Variants in WDPCP observed in about 807,000 individuals in gnomAD.
WDPCP encodes WD repeat containing planar cell polarity effector.
Under a neutral mutation model 93.1 loss-of-function variants are expected in WDPCP, and 71 were observed. The ratio of observed to expected loss-of-function variants is 0.76; its 90% CI spans 0.63 to 0.93. WDPCP has a LOEUF of 0.93. WDPCP is among the 40% of genes least tolerant of loss of function. The probability of loss-of-function intolerance (pLI) is 0.00; values close to 1 mark genes in which losing one functional copy is unlikely to be tolerated. For missense variants in WDPCP, 844 were observed against 887.4 expected (o/e 0.95, Z 0.62); for synonymous variants, 315 against 315.0 (o/e 1.00, Z 0.00).
Position 63,619,788 on chromosome 2 carries a change from G to A in WDPCP, n.488+30871C>T, listed in dbSNP as rs77880985. ...AGCTCCCAGGCAGATCAATGCAGAAGGTGGGTGATTTTTGCATTCCCAACT... is the reference window on the plus strand; with the variant it reads ...AGCTCCCAGGCAGATCAATGCAGAAAGTGGGTGATTTTTGCATTCCCAACT... On this transcript the variant is annotated intron_variant and non_coding_transcript_variant, in intron 3 of 4. Coordinates refer to the WDPCP transcript ENST00000467687. 4.7e-4 allele frequency among the ~76,000 whole-genome samples: 71 copies of A among 152,342 alleles called. 1 individual carries two copies. The East Asian group carries it at 0.013, about 28-fold the overall frequency.
At chr2:63,727,266 AT>A (rs1558896018) in intron 2 of WDPCP, among the ~76,000 whole-genome samples, 1 of 152,156 alleles carries the variant, frequency 6.6e-6, no homozygotes, top group Non-Finnish European at 1.5e-5. Context: ...GGAATGTTGA[AT>A]TTTATTGAAA....
At chr2:63,207,995 A>G (rs964820021) in intron 14 of WDPCP, among the ~76,000 whole-genome samples, 3 of 151,638 alleles carry the variant, frequency 2.0e-5, no homozygotes, top group Non-Finnish European at 4.4e-5. Flanking sequence ...TAGTCTTGTG[A>G]TCCTTCTAAG....
At chr2:63,294,349 G>A (rs776405100) in intron 13 of WDPCP, among the ~76,000 whole-genome samples, 14 of 151,518 alleles carry the variant, frequency 9.2e-5, no homozygotes, top group African/African-American at 2.4e-4. Context: ...CTAAAAATAC[G>A]CATACAAAAA....
chr2:63,588,824 G>C, upstream of WDPCP: 1 of 600,238 alleles, frequency 1.7e-6, no homozygotes, highest in Non-Finnish European at 2.9e-6. Context: ...AAAAACCTCT[G>C]GTATCGGGAA....
exon 1 of WDPCP, chr2:63,827,738 C>T (rs1053087666): frequency 6.6e-6 from 1 of 152,190 alleles, no homozygotes; most frequent in African/African-American, 2.4e-5. Context: ...TTTCAGGCTT[C>T]ATGGAATTCC....
intron 9 of WDPCP, among the ~76,000 whole-genome samples, chr2:63,415,024 C>G (rs189713080): frequency 8.0e-4 from 122 of 152,228 alleles, no homozygotes; most frequent in Admixed American, 5.5e-3. Context: ...ATGGCTAACA[C>G]TCATTTAAGG....
At chr2:63,525,129 ACAAACTAACACAGGGACAGAAAAC>A (rs1423954258) in intron 1 of WDPCP, among the ~76,000 whole-genome samples, 1 of 152,194 alleles carries the variant, frequency 6.6e-6, no homozygotes, top group Non-Finnish European at 1.5e-5. Flanking sequence ...ATTATCGTAA[ACAAACTAACACAGGGACAGAAAAC>A]CAAATACTAC....
At chr2:63,511,656 C>G (rs560758091) in intron 1 of WDPCP, among the ~76,000 whole-genome samples, 208 of 152,286 alleles carry the variant, frequency 1.4e-3, no homozygotes, top group African/African-American at 4.3e-3. Flanking sequence ...GAAAGGATTC[C>G]CTATTTAATA....
intron 6 of WDPCP, among the ~76,000 whole-genome samples, chr2:63,455,439 T>TACAC (rs1038620390): frequency 8.9e-6 from 1 of 112,180 alleles, no homozygotes; most frequent in Non-Finnish European, 2.1e-5. Flanking sequence ...TATATATATA[T>TACAC]ACACACACAC....
At chr2:63,297,511 C>T (rs919329392) in intron 13 of WDPCP, among the ~76,000 whole-genome samples, 5 of 152,110 alleles carry the variant, frequency 3.3e-5, no homozygotes, top group Non-Finnish European at 7.4e-5. Flanking sequence ...TATTATTCTC[C>T]TACAGTCAGG....
At chr2:63,533,910 A>T (rs779088820) in intron 1 of WDPCP, among the ~76,000 whole-genome samples, 1 of 152,176 alleles carries the variant, frequency 6.6e-6, no homozygotes, top group Non-Finnish European at 1.5e-5. Flanking sequence ...CAAAAAATCA[A>T]TAAATGCAGG....
chr2:63,374,558 C>G (rs1486631081), intron 12 of WDPCP, among the ~76,000 whole-genome samples: 1 of 152,060 alleles, frequency 6.6e-6, no homozygotes, highest in African/African-American at 2.4e-5. Flanking sequence ...AAAAGTATAA[C>G]TGAAAAAGCC....
chr2:63,138,869 A>C, intron 17 of WDPCP, among the ~76,000 whole-genome samples: 1 of 150,738 alleles, frequency 6.6e-6, no homozygotes, highest in Non-Finnish European at 1.5e-5. Flanking sequence ...TCTTCCCCCC[A>C]AGTCCCCAAA....
chr2:63,551,959 CTT>C (rs36189794), intron 1 of WDPCP, among the ~76,000 whole-genome samples: 22 of 122,236 alleles, frequency 1.8e-4, no homozygotes, highest in Admixed American at 2.5e-4. Context: ...CTTTCATTTT[CTT>C]TTTTTTTTTT....
chr2:63,559,381 C>G (rs1462910497), intron 1 of WDPCP, among the ~76,000 whole-genome samples: 2 of 152,148 alleles, frequency 1.3e-5, no homozygotes, highest in East Asian at 3.8e-4. Flanking sequence ...GATGCCCTCT[C>G]TCACCACTCC....
chr2:63,331,155 T>A (rs938706302), intron 12 of WDPCP, among the ~76,000 whole-genome samples: 2 of 152,176 alleles, frequency 1.3e-5, no homozygotes, highest in Non-Finnish European at 2.9e-5. Context: ...CATGCCTAAT[T>A]TTTTTAAAGC....
Position 63,567,897 on chromosome 2 carries a change from C to G in WDPCP, c.75+20300G>C, listed in dbSNP as rs1707195355. Among the ~76,000 whole-genome samples the G allele has an allele frequency of 2.0e-5, 3 of 151,964 alleles. No individual in the cohort carries two copies. The South Asian group carries it at 6.2e-4, about 32-fold the overall frequency. On this transcript the variant is annotated intron_variant, in intron 1 of 17. Transcript: ENST00000272321. ...ATTGAATAAATAATTTTTTATATACCTCATTTTGATATAATTTGAATTAAA... is the reference window on the plus strand; with the variant it reads ...ATTGAATAAATAATTTTTTATATACGTCATTTTGATATAATTTGAATTAAA...
rs1468053005 is a variant in WDPCP at position 63,120,436 on chromosome 2, T to G, written c.*1570A>C. On this transcript the variant is annotated 3_prime_UTR_variant, in exon 18 of 18. Coordinates refer to ENST00000272321, the MANE Select transcript of WDPCP (RefSeq NM_015910.7). ...ATTTGAAGTATAAAAGCCTTCAGTC[T>G]GATTAACTTTGAACTCTAAGATTTA... Among the ~76,000 whole-genome samples the G allele has an allele frequency of 6.6e-6, 1 of 152,030 alleles. No homozygotes were observed. Among genetic ancestry groups the G allele is most frequent in the African/African-American group, 2.4e-5 (1 of 41,418 alleles).
chr2:63,284,735 C>T (rs1683851277), intron 13 of WDPCP, among the ~76,000 whole-genome samples: 1 of 152,186 alleles, frequency 6.6e-6, no homozygotes, highest in African/African-American at 2.4e-5. Context: ...CACAAGATTT[C>T]ATCATGCTAC....
Sources: allele counts gnomAD v4.1 joint callset (sites outside exome capture counted in the v4.1 genomes callset), GRCh38; gene constraint gnomAD v4.1.1; transcripts MANE v1.5; gene names NCBI Gene and HGNC (gene_info 2026-07-23, HGNC 2026-07-21).